Variants in TRIP11 observed in about 807,000 individuals in gnomAD.
TRIP11 encodes the protein thyroid hormone receptor interactor 11.
In TRIP11, 148 loss-of-function variants were observed where a neutral mutation model predicts 223.1. The ratio of observed to expected loss-of-function variants is 0.66; its 90% CI spans 0.58 to 0.76. TRIP11 has a LOEUF of 0.76. TRIP11 is among the 30% of genes least tolerant of loss of function. The pLI is 0.00. For missense variants in TRIP11, 2,043 were observed against 2,222.0 expected (o/e 0.92, Z 1.62); for synonymous variants, 762 against 772.6 (o/e 0.99, Z 0.23).
intron 20 of TRIP11, 78 bp downstream of exon 20, chr14:91,972,639 T>C: frequency 7.0e-7 from 1 of 1,437,462 alleles, no homozygotes; most frequent in Admixed American, 2.0e-5. Flanking sequence ...AAAAATTTAG[T>C]TAATATCACT....
At chr14:92,020,259 A>G (rs2057093776) in intron 4 of TRIP11, among the ~76,000 whole-genome samples, 4 of 152,070 alleles carry the variant, frequency 2.6e-5, no homozygotes, top group Admixed American at 2.0e-4. Context: ...CTCAAAAAAA[A>G]AAAGAAAAGA....
chr14:91,992,779 G>C (rs899448776), intron 15 of TRIP11, among the ~76,000 whole-genome samples: 1 of 151,426 alleles, frequency 6.6e-6, no homozygotes, highest in East Asian at 1.9e-4. Flanking sequence ...TGTGGTGGCG[G>C]GCACCTGTAG....
chr14:92,033,728 T>G (rs1449247489), intron 1 of TRIP11, among the ~76,000 whole-genome samples: 1 of 151,998 alleles, frequency 6.6e-6, no homozygotes, highest in Non-Finnish European at 1.5e-5. Flanking sequence ...TTCGGCTGAG[T>G]TAGGTTAGAG....
rs148612999 is a variant in TRIP11, at chr14:92,010,730, C to G, written c.1314+256G>C. 3.3e-3 allele frequency among the ~76,000 whole-genome samples: 508 copies of G among 151,994 alleles called. 7 individuals are homozygous for G. Among genetic ancestry groups the G allele is most frequent in the African/African-American group, 0.012 (479 of 41,472 alleles). Reference sequence around the variant, plus strand: ...GTCAGGACATCATCAGAAACCAAAACAGGACCTCCACCTATCTTTTCTGCT... The same window carrying G: ...GTCAGGACATCATCAGAAACCAAAAGAGGACCTCCACCTATCTTTTCTGCT... On this transcript the variant is annotated intron_variant, in intron 9 of 20. Coordinates refer to ENST00000267622, the MANE Select transcript of TRIP11 (RefSeq NM_004239.4).
In TRIP11 at chr14:91,968,121, A is replaced by G. The variant is rs1438122406; in HGVS notation, c.*1552T>C. On this transcript the variant is annotated 3_prime_UTR_variant, in exon 21 of 21. Transcript: ENST00000267622. ...AGAAAGTACAGTTAATCACAGTAAA[A>G]CTTGCAAATAACCAAATTTAGTTCT... The G allele has an allele frequency of 4.9e-6, 1 of 202,072 alleles. No individual in the cohort carries two copies. The highest frequency in any genetic ancestry group is 1.0e-5 in the Non-Finnish European group (1 of 98,284). The allele number at this position is 202,072 out of a possible 1,614,324, so 12.5% of individuals were successfully genotyped here.
chr14:92,009,832 CA>C (rs1389675514), intron 9 of TRIP11, among the ~76,000 whole-genome samples: 2 of 152,090 alleles, frequency 1.3e-5, no homozygotes, highest in Middle Eastern at 6.3e-3. Flanking sequence ...CTGATACATA[CA>C]ATCATACATG....
chr14:92,033,650 A>AC (rs2057292944), intron 1 of TRIP11, among the ~76,000 whole-genome samples: 1 of 152,208 alleles, frequency 6.6e-6, no homozygotes, highest in South Asian at 2.1e-4. Context: ...GAAAGAGGAG[A>AC]GAAACACAAA....
chr14:91,999,141 G>A, intron 13 of TRIP11, 99 bp downstream of exon 13: 1 of 1,315,202 alleles, frequency 7.6e-7, no homozygotes, highest in South Asian at 1.3e-5. Flanking sequence ...TACAGATAAT[G>A]AATTTTGCAA....
At chr14:92,026,624 A>G in intron 2 of TRIP11, 1 of 1,226,748 alleles carries the variant, frequency 8.2e-7, no homozygotes, top group Non-Finnish European at 1.2e-6. Context: ...TTAAAGGAGA[A>G]GAAGGAAGTT....
chr14:91,983,771 T>C (rs1039746530), intron 16 of TRIP11, among the ~76,000 whole-genome samples: 2 of 152,178 alleles, frequency 1.3e-5, no homozygotes, highest in East Asian at 1.9e-4. Context: ...CTCAAAAGGT[T>C]TGGGTAACAA....
chr14:92,038,569 A>G (rs1333653801), intron 1 of TRIP11, among the ~76,000 whole-genome samples: 1 of 152,190 alleles, frequency 6.6e-6, no homozygotes, highest in Non-Finnish European at 1.5e-5. Flanking sequence ...TTATCTTTCT[A>G]TCAAACAATC....
At chr14:91,993,278 A>T (rs1180089524) in intron 15 of TRIP11, among the ~76,000 whole-genome samples, 1 of 151,916 alleles carries the variant, frequency 6.6e-6, no homozygotes, top group Non-Finnish European at 1.5e-5. Flanking sequence ...GGAGTTCGAG[A>T]CCAGCCTGAC....
chr14:92,020,680 T>C (rs1461183405), intron 4 of TRIP11, among the ~76,000 whole-genome samples: 2 of 147,588 alleles, frequency 1.4e-5, no homozygotes, highest in African/African-American at 5.0e-5. Flanking sequence ...AAAAAAAGGA[T>C]CTGTTGCTTT....
intron 11 of TRIP11, among the ~76,000 whole-genome samples, chr14:92,001,198 C>G (rs763128010): frequency 1.3e-4 from 20 of 151,582 alleles, no homozygotes; most frequent in Non-Finnish European, 2.8e-4. Context: ...ATATGCATAT[C>G]TTATGAACCT....
rs2057189805 is a variant in TRIP11 at position 92,026,552 on chromosome 14, T to C, written c.202-1132A>G. ...TTTTTAATCCCCTGCATCGGATCAC[T>C]GGCGTGCCCTACCATGTCAGACGCA... On this transcript the variant is annotated intron_variant, in intron 2 of 20. Transcript: ENST00000267622. 4.8e-6 allele frequency: 6 copies of C among 1,257,518 alleles called. No individual in the cohort carries two copies. In the South Asian group the frequency reaches 7.2e-5, roughly 15 times the overall value. The allele number at this position is 1,257,518 out of a possible 1,614,324, so 77.9% of individuals were successfully genotyped here.
At chr14:92,013,735 C>T (rs571193107) in intron 7 of TRIP11, among the ~76,000 whole-genome samples, 3 of 152,188 alleles carry the variant, frequency 2.0e-5, no homozygotes, top group East Asian at 3.9e-4. Context: ...TTTTTTAAAA[C>T]GTAAGTACAA....
intron 6 of TRIP11, 131 bp downstream of exon 6, chr14:92,015,565 G>C: frequency 1.5e-6 from 1 of 662,760 alleles, no homozygotes; most frequent in East Asian, 3.2e-5. Context: ...GGCTGATGCA[G>C]GAGAATCGCT....
At chr14:92,001,767 T>A (rs144966613) in intron 11 of TRIP11, among the ~76,000 whole-genome samples, 5 of 152,216 alleles carry the variant, frequency 3.3e-5, no homozygotes, top group African/African-American at 1.2e-4. Flanking sequence ...TCTACTCTTA[T>A]AACCTTAAGA....
Position 92,007,779 on chromosome 14 carries a change from A to T in TRIP11, c.1388T>A (p.Ile463Lys). Residue 463 changes from isoleucine (I) to lysine (K), a missense_variant, in exon 10 of 21, where the codon ATA becomes AAA. Coordinates refer to ENST00000267622, the MANE Select transcript of TRIP11 (RefSeq NM_004239.4). ...GTCATGTAATTCTGAATCCAAACTT[A>T]TGTCTCTTGTAGCTGTACTTTTAAT... is the stretch of plus-strand genomic sequence containing the variant. ...EVIKSTATRDISLDSELHDLR... is the reference protein window; with the variant it reads ...EVIKSTATRDKSLDSELHDLR... 1 of 1,613,660 alleles carries T rather than the reference A, an allele frequency of 6.2e-7. No homozygotes were observed. The highest frequency in any genetic ancestry group is 8.5e-7 in the Non-Finnish European group (1 of 1,179,918).
Sources: allele counts gnomAD v4.1 joint callset (sites outside exome capture counted in the v4.1 genomes callset), GRCh38; gene constraint gnomAD v4.1.1; transcripts MANE v1.5; gene names NCBI Gene and HGNC (gene_info 2026-07-23, HGNC 2026-07-21).